HIBCH: variants seen among roughly 807,000 people sequenced by gnomAD.
HIBCH encodes the protein 3-hydroxyisobutyryl-CoA hydrolase.
Under a neutral mutation model 58.2 loss-of-function variants are expected in HIBCH, and 50 were observed. The observed-to-expected ratio is 0.86, with a 90% CI of 0.68 to 1.09. The LOEUF is 1.09. Ranked by LOEUF, HIBCH falls within the 50% of genes least tolerant of loss-of-function variation. HIBCH has a pLI of 0.00. For synonymous variants in HIBCH, 151 were observed against 146.9 expected (o/e 1.03, Z -0.20); for missense variants, 450 against 449.7 (o/e 1.00, Z -0.01).
At chr2:190,283,547 G>A (rs977903063) in intron 6 of HIBCH, among the ~76,000 whole-genome samples, 3 of 152,122 alleles carry the variant, frequency 2.0e-5, no homozygotes, top group African/African-American at 7.2e-5. Flanking sequence ...TTACATTCGA[G>A]TGCTATTTCT....
chr2:190,200,360 T>C, downstream of HIBCH: 1 of 532,462 alleles, frequency 1.9e-6, no homozygotes, highest in Non-Finnish European at 3.5e-6. Flanking sequence ...TTTAGTCATC[T>C]GAAGGGCTGA....
In HIBCH at chr2:190,314,361, A is replaced by ATATACG. The variant is rs1559068594; in HGVS notation, c.36-3566_36-3565insCGTATA. ...TACATATATATGTGTATATATACGT[A>ATATACG]TATATATACGTATATATGTGTATAT... is the stretch of plus-strand genomic sequence containing the variant. On this transcript the variant is annotated intron_variant, in intron 1 of 13. Transcript: ENST00000359678. 4.3e-3 allele frequency among the ~76,000 whole-genome samples: 192 copies of ATATACG among 44,368 alleles called. 4 individuals are homozygous for ATATACG. The highest frequency in any genetic ancestry group is 0.014 in the African/African-American group (174 of 12,026). The allele number at this position is 44,368 out of a possible 152,430, so 29.1% of individuals were successfully genotyped here.
At position 190,211,166 on chromosome 2, in the gene HIBCH, G is replaced by A. The variant is rs1337657777; in HGVS notation, c.1011+1790C>T. 2.0e-5 allele frequency among the ~76,000 whole-genome samples: 3 copies of A among 152,090 alleles called. No homozygotes were observed. The highest frequency in any genetic ancestry group is 2.4e-5 in the African/African-American group (1 of 41,386). ...CCTGGGTACCTCTAACAGTGTCTAC[G>A]ACATAGTAAGCACTCTTGTTTAGTA... On this transcript the variant is annotated intron_variant, in intron 12 of 13. Transcript: ENST00000359678. This position sits in a 1 kb window ranked among gnomAD's most constrained non-coding sequence, Gnocchi z 5.0.
At chr2:190,228,795 C>G (rs530440573) in intron 11 of HIBCH, among the ~76,000 whole-genome samples, 1 of 152,110 alleles carries the variant, frequency 6.6e-6, no homozygotes, top group Non-Finnish European at 1.5e-5. Context: ...AAAGAGACAA[C>G]TTCTTTTCTC....
rs1324854808 is a variant in HIBCH at position 190,236,139 on chromosome 2, C to A, written c.891+8748G>T. Among the ~76,000 whole-genome samples, 2 of 152,140 alleles carry A rather than the reference C, an allele frequency of 1.3e-5. No homozygotes were observed. The highest frequency in any genetic ancestry group is 1.3e-4 in the Admixed American group (2 of 15,276). ...AAGCAGACAGAGGTGCACACACCTT[C>A]ATGGAGTAACTGCCATTTTAAGGTA... On this transcript the variant is annotated intron_variant, in intron 11 of 13. Coordinates refer to ENST00000359678, the MANE Select transcript of HIBCH (RefSeq NM_014362.4). This position sits in a 1 kb window ranked among gnomAD's most constrained non-coding sequence, Gnocchi z 4.1.
intron 6 of HIBCH, among the ~76,000 whole-genome samples, chr2:190,263,811 A>G (rs1264171067): frequency 6.6e-6 from 1 of 152,068 alleles, no homozygotes; most frequent in Non-Finnish European, 1.5e-5. Context: ...CTACCCCACA[A>G]TGTAATCTAT....
At chr2:190,298,537 T>C (rs1356302060) in intron 2 of HIBCH, among the ~76,000 whole-genome samples, 2 of 152,214 alleles carry the variant, frequency 1.3e-5, no homozygotes, top group Non-Finnish European at 2.9e-5. Context: ...GTTGGCCGTA[T>C]ACATGTCGTC....
intron 4 of HIBCH, among the ~76,000 whole-genome samples, chr2:190,294,333 T>C (rs752042827): frequency 6.6e-6 from 1 of 152,028 alleles, no homozygotes; most frequent in Non-Finnish European, 1.5e-5. Flanking sequence ...TGGGTATTTG[T>C]GTAGTGAGAA....
chr2:190,276,148 CA>C (rs145529771), intron 6 of HIBCH, among the ~76,000 whole-genome samples: 3,837 of 152,254 alleles, frequency 0.025, 76 homozygotes, highest in Non-Finnish European at 0.041. Flanking sequence ...AGGTTGGCAA[CA>C]ATTCTTTGGG....
chr2:190,250,936 G>A (rs1443472360), intron 8 of HIBCH, among the ~76,000 whole-genome samples: 3 of 152,274 alleles, frequency 2.0e-5, no homozygotes, highest in East Asian at 1.9e-4. Context: ...CAAAGAGGAC[G>A]TGTGAGAATA....
At chr2:190,230,462 C>G (rs577104442) in intron 11 of HIBCH, among the ~76,000 whole-genome samples, 6 of 152,298 alleles carry the variant, frequency 3.9e-5, no homozygotes, top group Admixed American at 3.9e-4. Context: ...TTTGGGAGGC[C>G]AAGGCGGGCA....
intron 13 of HIBCH, chr2:190,208,534 C>T: frequency 6.0e-6 from 2 of 332,560 alleles, no homozygotes; most frequent in South Asian, 2.8e-5. Context: ...TTTCATATCC[C>T]AGATGGTAAC....
In HIBCH at chr2:190,212,962, A is replaced by G; in HGVS notation, c.1005T>C (p.Ala335=). 1 of 1,611,048 alleles carries G rather than the reference A, an allele frequency of 6.2e-7. No individual in the cohort carries two copies. Among genetic ancestry groups the G allele is most frequent in the South Asian group, 1.1e-5 (1 of 90,958 alleles). Residue 335 remains alanine (A), a synonymous_variant, in exon 12 of 14, where the codon GCT becomes GCC. Transcript: ENST00000359678. ...TTTTTTTTTAAATTCTTACCATACAAGCTTGACTTAGCCGATACTCCATAG... is the reference window on the plus strand; with the variant it reads ...TTTTTTTTTAAATTCTTACCATACAGGCTTGACTTAGCCGATACTCCATAG... The part of the protein sequence containing the change: ...VLTMEYRLSQ[A]CMRGHDFHEG...
chr2:190,298,126 G>A (rs1197382395), intron 2 of HIBCH, among the ~76,000 whole-genome samples: 1 of 152,266 alleles, frequency 6.6e-6, no homozygotes, highest in South Asian at 2.1e-4. Context: ...TGGTGTATAT[G>A]TGCCACATTT....
At chr2:190,192,067 T>C (rs1438715291) in intron 1 of HIBCH, among the ~76,000 whole-genome samples, 1 of 152,210 alleles carries the variant, frequency 6.6e-6, no homozygotes, top group East Asian at 1.9e-4. Flanking sequence ...TTTTGTCTTC[T>C]TGTTTTATAG....
intron 6 of HIBCH, among the ~76,000 whole-genome samples, chr2:190,261,671 A>AT (rs374312036): frequency 2.2e-4 from 34 of 152,124 alleles, no homozygotes; most frequent in African/African-American, 8.0e-4. Context: ...GCAAGGCTCT[A>AT]TATCACCTGG....
downstream of HIBCH, chr2:190,199,646 C>T (rs999493835): frequency 1.1e-5 from 13 of 1,200,294 alleles, 1 homozygote; most frequent in Admixed American, 6.1e-5. Flanking sequence ...CTCAATCATA[C>T]ACTATTTTGC....
chr2:190,192,705 T>C (rs34208589), intron 1 of HIBCH, among the ~76,000 whole-genome samples: 35 of 152,314 alleles, frequency 2.3e-4, no homozygotes, highest in Middle Eastern at 6.8e-3. Flanking sequence ...TTTGTATTTT[T>C]CACGTACAAC....
At position 190,243,330 on chromosome 2, in the gene HIBCH, C is replaced by T. The variant is rs990407456; in HGVS notation, c.891+1557G>A. 6.6e-6 allele frequency among the ~76,000 whole-genome samples: 1 copy of T among 152,198 alleles called. No homozygotes were observed. Among genetic ancestry groups the T allele is most frequent in the African/African-American group, 2.4e-5 (1 of 41,444 alleles). On this transcript the variant is annotated intron_variant, in intron 11 of 13. Transcript: ENST00000359678. This position sits in a 1 kb window ranked among gnomAD's most constrained non-coding sequence, Gnocchi z 4.1. ...AAGTTCTTCAGTTTTGATACTCAGA[C>T]TGGTCCTCATTGCTCCTCAAGCTTG...
Sources: gnomAD v4.1 joint callset for allele counts (sites outside exome capture counted in the v4.1 genomes callset) on GRCh38, gnomAD v4.1.1 for gene constraint, Gnocchi (gnomAD v3.1) non-coding constraint, MANE v1.5 for transcripts, NCBI Gene and HGNC (gene_info 2026-07-23, HGNC 2026-07-21) for gene names.